MIB1: variants seen among roughly 807,000 people sequenced by gnomAD.
MIB1 encodes E3 ubiquitin-protein ligase MIB1.
MIB1 carries 278 observed loss-of-function variants against 124.5 expected under a neutral mutation model. The ratio of observed to expected loss-of-function variants is 2.23; its 90% CI spans 2.02 to 2.47. The LOEUF is 2.47. Ranked by LOEUF, MIB1 falls within the 30% of genes most tolerant of loss-of-function variation. The pLI is 0.00. For synonymous variants in MIB1, 446 were observed against 429.4 expected (o/e 1.04, Z -0.48); for missense variants, 957 against 1,254.4 (o/e 0.76, Z 3.58).
At chr18:21,710,875 G>T (rs1411948067) in intron 1 of MIB1, among the ~76,000 whole-genome samples, 1 of 142,678 alleles carries the variant, frequency 7.0e-6, no homozygotes, top group Non-Finnish European at 1.5e-5. Context: ...TCGCCAGGCT[G>T]GAGTGCAGTG....
intron 16 of MIB1, among the ~76,000 whole-genome samples, chr18:21,848,914 T>G (rs765586699): frequency 2.0e-5 from 3 of 152,204 alleles, no homozygotes; most frequent in Non-Finnish European, 4.4e-5. Flanking sequence ...GCTAAGTTTT[T>G]TTTTTAATTG....
chr18:21,835,782 A>AT (rs1316800363), intron 12 of MIB1, among the ~76,000 whole-genome samples: 4,035 of 112,268 alleles, frequency 0.036, 153 homozygotes, highest in African/African-American at 0.094. Context: ...GAAAAAAAAA[A>AT]AAATATATAT....
At chr18:21,854,900 T>C in intron 18 of MIB1, 1 of 199,368 alleles carries the variant, frequency 5.0e-6, no homozygotes, top group South Asian at 1.1e-4. Context: ...GATATAAAGG[T>C]AAACAATACC....
chr18:21,758,692 A>G (rs1333730432), intron 1 of MIB1, among the ~76,000 whole-genome samples: 1 of 151,876 alleles, frequency 6.6e-6, no homozygotes, highest in Non-Finnish European at 1.5e-5. Flanking sequence ...GTGCCACCAC[A>G]CCCGGCTAAT....
At chr18:21,812,174 T>TC (rs1297766468) in intron 10 of MIB1, among the ~76,000 whole-genome samples, 1 of 152,086 alleles carries the variant, frequency 6.6e-6, no homozygotes, top group African/African-American at 2.4e-5. Context: ...TAGTCTCCAG[T>TC]CCAAGAGGGT....
Position 21,838,506 on chromosome 18 carries a change from A to T in MIB1, c.1962+9A>T. 3 of 1,569,234 alleles carry T rather than the reference A, an allele frequency of 1.9e-6. No homozygotes were observed. The highest frequency in any genetic ancestry group is 2.6e-6 in the Non-Finnish European group (3 of 1,162,984). On this transcript the variant is annotated intron_variant, in intron 13 of 20. Transcript: ENST00000261537. ...AACTGTTGGTACATCAGGTAAGAAA[A>T]GAGTTAAATAATTCCCTCTTTTTTA...
intron 9 of MIB1, among the ~76,000 whole-genome samples, chr18:21,802,107 A>G (rs1191048844): frequency 6.6e-6 from 1 of 152,134 alleles, no homozygotes; most frequent in Non-Finnish European, 1.5e-5. Flanking sequence ...TTTCCTGTAG[A>G]ATAATTTCAG....
chr18:21,857,390 G>A, intron 19 of MIB1, 147 bp downstream of exon 19: 1 of 608,580 alleles, frequency 1.6e-6, no homozygotes, highest in South Asian at 2.1e-5. Context: ...GTTTTCTGGT[G>A]CTCTTATTAT....
At chr18:21,840,595 C>T (rs2042074338) in intron 13 of MIB1, among the ~76,000 whole-genome samples, 4 of 148,712 alleles carry the variant, frequency 2.7e-5, no homozygotes, top group Admixed American at 2.7e-4. Context: ...TCGAGACCAG[C>T]CTGGGCAACA....
At chr18:21,805,921 T>TTTTTTA (rs2041700065) in intron 10 of MIB1, among the ~76,000 whole-genome samples, 1 of 148,554 alleles carries the variant, frequency 6.7e-6, no homozygotes, top group African/African-American at 2.5e-5. Context: ...TTTTTTTTTT[T>TTTTTTA]GAGACAGAGT....
intron 3 of MIB1, among the ~76,000 whole-genome samples, chr18:21,769,206 C>T (rs1313443111): frequency 6.6e-6 from 1 of 152,124 alleles, no homozygotes; most frequent in Non-Finnish European, 1.5e-5. Context: ...GCATAGCGGG[C>T]TCAGAGTTTT....
rs752884013 is a variant in MIB1 at position 21,779,657 on chromosome 18, A to G, written c.880A>G (p.Ile294Val). 2 of 1,614,096 alleles carry G rather than the reference A, an allele frequency of 1.2e-6. No homozygotes were observed. The highest frequency in any genetic ancestry group is 3.3e-5 in the Admixed American group (2 of 60,030). Reference sequence around the variant, plus strand: ...TTGTGGCATTGATGAAGATCATGACATTGTAGTACAGTATCCAAGTGGCAA... The same window carrying G: ...TTGTGGCATTGATGAAGATCATGACGTTGTAGTACAGTATCCAAGTGGCAA... ...TVCGIDEDHD[I>V]VVQYPSGNRW... Residue 294 changes from isoleucine to valine, a missense_variant, in exon 6 of 21, where the codon ATT (isoleucine) becomes GTT (valine). Coordinates refer to ENST00000261537, the MANE Select transcript of MIB1 (RefSeq NM_020774.4).
At chr18:21,842,226 G>C (rs1598638323) in intron 13 of MIB1, among the ~76,000 whole-genome samples, 1 of 150,932 alleles carries the variant, frequency 6.6e-6, no homozygotes, top group East Asian at 1.9e-4. Context: ...CATTACCAAA[G>C]TTTCAGCTCT....
At chr18:21,728,474 C>A (rs989282869) in intron 1 of MIB1, among the ~76,000 whole-genome samples, 1 of 151,754 alleles carries the variant, frequency 6.6e-6, no homozygotes, top group Non-Finnish European at 1.5e-5. Context: ...GCCTGGGAGA[C>A]GAGAAAAAAA....
At chr18:21,828,331 G>A (rs1412811839) in intron 12 of MIB1, 7 of 151,788 alleles carry the variant, frequency 4.6e-5, no homozygotes, top group Non-Finnish European at 8.8e-5. Context: ...CATTTTTCAT[G>A]CTTAAATCTT....
chr18:21,777,397 A>T (rs1013535369), intron 4 of MIB1, among the ~76,000 whole-genome samples: 3 of 152,124 alleles, frequency 2.0e-5, no homozygotes, highest in African/African-American at 7.2e-5. Context: ...CAACAGAGCA[A>T]GACTCTGTCA....
rs1399003036 is a variant in MIB1, at chr18:21,865,607, A to G, written c.*941A>G. On this transcript the variant is annotated 3_prime_UTR_variant, in exon 21 of 21. Transcript: ENST00000261537. ...GTTCTATTTAGCTTTGCAGATGTAC[A>G]TAGTATCCCAGTGATCTGCAAAATT... is the stretch of plus-strand genomic sequence containing the variant. The G allele has an allele frequency of 1.3e-5, 2 of 152,634 alleles. No individual in the cohort carries two copies. The highest frequency in any genetic ancestry group is 2.4e-5 in the African/African-American group (1 of 41,460). The allele number at this position is 152,634 out of a possible 1,614,324, so 9.5% of individuals were successfully genotyped here. A position where few individuals can be genotyped will look rare whatever the true frequency, so the allele number is the denominator to read the frequency against.
At chr18:21,790,882 C>T (rs555942120) in intron 6 of MIB1, among the ~76,000 whole-genome samples, 1 of 152,262 alleles carries the variant, frequency 6.6e-6, no homozygotes, top group South Asian at 2.1e-4. Context: ...TTATGGATGA[C>T]TCTTTCCCCA....
At chr18:21,814,924 C>G (rs1182623473) in intron 10 of MIB1, among the ~76,000 whole-genome samples, 1 of 146,288 alleles carries the variant, frequency 6.8e-6, no homozygotes, top group Non-Finnish European at 1.5e-5. Context: ...CAAAAATGGT[C>G]TTTGTAAAAA....
Sources: allele counts gnomAD v4.1 joint callset (sites outside exome capture counted in the v4.1 genomes callset), GRCh38; gene constraint gnomAD v4.1.1; transcripts MANE v1.5; gene names NCBI Gene and HGNC (gene_info 2026-07-23, HGNC 2026-07-21).